RBM19: variants seen among roughly 807,000 people sequenced by gnomAD.
RBM19 encodes the protein RNA binding motif protein 19, also known as probable RNA-binding protein 19.
In RBM19, 94 loss-of-function variants were observed where a neutral mutation model predicts 116.8. The ratio of observed to expected loss-of-function variants is 0.80; its 90% CI spans 0.68 to 0.95. The LOEUF (loss-of-function observed/expected upper bound fraction) is 0.95. Among genes scored for constraint, RBM19 ranks in the 40% least tolerant of loss-of-function variants. RBM19 has a pLI of 0.00. For synonymous variants in RBM19, 475 were observed against 494.1 expected, an observed-to-expected ratio of 0.96 and a Z score of 0.51; for missense variants, 1,161 against 1,220.7, an observed-to-expected ratio of 0.95 and a Z score of 0.73.
At chr12:113,884,016 T>G (rs994469922) in intron 21 of RBM19, among the ~76,000 whole-genome samples, 1 of 151,424 alleles carries the variant, frequency 6.6e-6, no homozygotes, top group Non-Finnish European at 1.5e-5. Context: ...GGCTTACGCC[T>G]GTAATCTCAG....
At position 113,949,032 on chromosome 12, in the gene RBM19, C is replaced by A. The variant is rs1871275221; in HGVS notation, c.1077G>T (p.Gly359=). The A allele has an allele frequency of 6.2e-7, 1 of 1,612,586 alleles. No homozygotes were observed. The highest frequency in any genetic ancestry group is 2.2e-5 in the East Asian group (1 of 44,838). The change falls in exon 10 of 24, where the codon GGG becomes GGT. Residue 359 remains glycine, a synonymous_variant. Coordinates refer to ENST00000261741, the MANE Select transcript of RBM19 (RefSeq NM_016196.4). ...ALKCNREYMG[G]RYIEVFREKN... ...TTTCCCTGAACACCTCGATGTAGCGCCCACCTGCAATGAAGAGGAGTCAGG... is the reference window on the plus strand; with the variant it reads ...TTTCCCTGAACACCTCGATGTAGCGACCACCTGCAATGAAGAGGAGTCAGG...
intron 22 of RBM19, among the ~76,000 whole-genome samples, chr12:113,853,023 A>G (rs551538289): frequency 6.6e-6 from 1 of 152,308 alleles, no homozygotes; most frequent in South Asian, 2.1e-4. Context: ...CTCGCTCATC[A>G]TTGGTCCCTT....
chr12:113,955,233 CAG>C (rs1871823891), intron 6 of RBM19, 22 bp from the exon 7 acceptor site: 1 of 1,608,212 alleles, frequency 6.2e-7, no homozygotes, highest in Non-Finnish European at 8.5e-7. Context: ...CAAAAACAAA[CAG>C]AAGTGGCCAC....
intron 23 of RBM19, among the ~76,000 whole-genome samples, chr12:113,835,696 A>G (rs1222263829): frequency 6.6e-6 from 1 of 152,192 alleles, no homozygotes; most frequent in Admixed American, 6.5e-5. Context: ...CACTCTGCTC[A>G]TAGATCTCCC....
chr12:113,834,009 G>A (rs1875666519), intron 23 of RBM19, among the ~76,000 whole-genome samples: 1 of 152,168 alleles, frequency 6.6e-6, no homozygotes, highest in African/African-American at 2.4e-5. Flanking sequence ...GCGTCTCAAA[G>A]CACTGGGATT....
chr12:113,878,444 G>A (rs1879827593), intron 21 of RBM19, among the ~76,000 whole-genome samples: 1 of 152,158 alleles, frequency 6.6e-6, no homozygotes, highest in African/African-American at 2.4e-5. Context: ...ACCTGAGGGG[G>A]CCTTAATGAT....
rs144910747 is a variant in RBM19 at position 113,883,617 on chromosome 12, T to C, written c.2559-24721A>G. On this transcript the variant is annotated intron_variant, in intron 21 of 23. Coordinates refer to ENST00000261741, the MANE Select transcript of RBM19 (RefSeq NM_016196.4). The stretch of plus-strand genomic sequence containing the variant: ...GTGCCTACAGATATTTTTCCCATTT[T>C]ACAGATGAGGAAATCAGGCAGGTTA... 3.0e-3 allele frequency among the ~76,000 whole-genome samples: 454 copies of C among 152,382 alleles called. 5 individuals are homozygous for C. The highest frequency in any genetic ancestry group is 0.011 in the African/African-American group (439 of 41,594).
chr12:113,856,672 T>C (rs546367746), intron 22 of RBM19, among the ~76,000 whole-genome samples: 84 of 152,262 alleles, frequency 5.5e-4, no homozygotes, highest in African/African-American at 2.0e-3. Context: ...AGAGGCCCAG[T>C]GGGTGGGTGA....
At position 113,957,777 on chromosome 12, in the gene RBM19, C is replaced by T. The variant is rs752089576; in HGVS notation, c.840+5G>A. On this transcript the variant is annotated splice_donor_5th_base_variant and intron_variant, in intron 6 of 23. Transcript: ENST00000261741. ...TCCCTCATCACCTGCGGGATACACACGCACCTCGGCTCTGGCCTCCGGTGG... is the reference window on the plus strand; with the variant it reads ...TCCCTCATCACCTGCGGGATACACATGCACCTCGGCTCTGGCCTCCGGTGG... The T allele has an allele frequency of 2.4e-5, 37 of 1,572,140 alleles. 1 individual carries two copies. The highest frequency in any genetic ancestry group is 1.3e-4 in the Admixed American group (7 of 55,822).
intron 20 of RBM19, among the ~76,000 whole-genome samples, chr12:113,915,815 G>A (rs1882736615): frequency 6.6e-6 from 1 of 152,156 alleles, no homozygotes; most frequent in African/African-American, 2.4e-5. Flanking sequence ...CTCAGCACTG[G>A]ACCCAGAATG....
At chr12:113,942,516 A>AG in intron 13 of RBM19, 82 bp from the exon 14 acceptor site, 2 of 1,147,244 alleles carry the variant, frequency 1.7e-6, no homozygotes, top group Non-Finnish European at 2.5e-6. Flanking sequence ...CAGCCTGAAG[A>AG]GGAGGCTGGG....
intron 21 of RBM19, among the ~76,000 whole-genome samples, chr12:113,867,536 T>C (rs1878911272): frequency 6.6e-6 from 1 of 152,226 alleles, no homozygotes; most frequent in African/African-American, 2.4e-5. Context: ...GTTTTCAGCA[T>C]GCATCTCCAA....
rs1872357633 is a variant in RBM19, at chr12:113,960,091, G to A, written c.307C>T (p.Pro103Ser). 1.2e-6 allele frequency: 2 copies of A among 1,614,216 alleles called. No homozygotes were observed. Residue 103 changes from proline (P) to serine (S), a missense_variant, in exon 3 of 24, where the codon CCA becomes TCA. By Grantham distance (74) the Pro-to-Ser change is moderately conservative. Coordinates refer to ENST00000261741, the MANE Select transcript of RBM19 (RefSeq NM_016196.4). ...ATTTCTGGAGTAGTAGAGTCTTTTG[G>A]AGGCTGCTTGGGCTGGCTTGGTTTC... ...AQKPSQPKQP[P>S]KDSTTPEIKK...
intron 6 of RBM19, 129 bp from the exon 7 acceptor site, chr12:113,955,340 A>G (rs1871837925): frequency 3.5e-6 from 3 of 867,764 alleles, no homozygotes; most frequent in Admixed American, 3.9e-5. Flanking sequence ...GAATGCTGGG[A>G]AGAATCAATG....
At chr12:113,959,555 G>T in intron 4 of RBM19, 151 bp from the exon 5 acceptor site, 1 of 941,244 alleles carries the variant, frequency 1.1e-6, no homozygotes, top group Non-Finnish European at 1.6e-6. Context: ...GGACCCCGAG[G>T]TTCAGCTGGG....
intron 21 of RBM19, among the ~76,000 whole-genome samples, chr12:113,886,083 G>A (rs1880496123): frequency 6.6e-6 from 1 of 151,906 alleles, no homozygotes; most frequent in Non-Finnish European, 1.5e-5. Flanking sequence ...ATGTTAGCCA[G>A]GATGGTCTCT....
rs7296815 is a variant in RBM19, at chr12:113,896,416, C to T, written c.2558+18553G>A. Among the ~76,000 whole-genome samples, 846 of 152,350 alleles carry T rather than the reference C, an allele frequency of 5.6e-3. 6 individuals are homozygous for T. Among genetic ancestry groups the T allele is most frequent in the African/African-American group, 0.019 (790 of 41,580 alleles). ...TAAAGGTTCAGGCCCAGGCTGTCCC[C>T]ACAGGCTCCGCCCCCCATGGGAGGG... On this transcript the variant is annotated intron_variant, in intron 21 of 23. Coordinates refer to ENST00000261741, the MANE Select transcript of RBM19 (RefSeq NM_016196.4).
At chr12:113,853,112 C>G (rs76924658) in intron 22 of RBM19, among the ~76,000 whole-genome samples, 2 of 152,236 alleles carry the variant, frequency 1.3e-5, no homozygotes, top group African/African-American at 4.8e-5. Flanking sequence ...AGGCCCAGTG[C>G]GAGCTTCTGC....
chr12:113,828,066 C>T (rs934058876), intron 23 of RBM19, among the ~76,000 whole-genome samples: 6 of 137,984 alleles, frequency 4.3e-5, no homozygotes, highest in Non-Finnish European at 7.5e-5. Flanking sequence ...CTCTATAACA[C>T]GATGATAGCA....
Sources: allele counts gnomAD v4.1 joint callset (sites outside exome capture counted in the v4.1 genomes callset), GRCh38; gene constraint gnomAD v4.1.1; transcripts MANE v1.5; gene names NCBI Gene and HGNC (gene_info 2026-07-23, HGNC 2026-07-21).